The following ZPLD1 variants were observed in gnomAD, a reference collection of about 807,000 sequenced individuals.
ZPLD1 encodes the protein zona pellucida-like domain-containing protein 1.
ZPLD1 carries 34 observed loss-of-function variants against 47.2 expected under a neutral mutation model. The observed-to-expected ratio is 0.72, with a 90% confidence interval of 0.55 to 0.96. The LOEUF (loss-of-function observed/expected upper bound fraction) is 0.96. Ranked by LOEUF, ZPLD1 falls within the 40% of genes least tolerant of loss-of-function variation. The pLI is 0.00. For synonymous variants in ZPLD1, 176 were observed against 186.2 expected (o/e 0.95, Z 0.45); for missense variants, 512 against 505.8 (o/e 1.01, Z -0.12).
chr3:102,476,983 A>G, intron 10 of ZPLD1, 29 bp from the exon 11 acceptor site: 1 of 1,609,062 alleles, frequency 6.2e-7, no homozygotes, highest in Non-Finnish European at 8.5e-7. Context: ...AGATGATGTC[A>G]CTTCTCTTTT....
chr3:102,479,555 G>GT lies in ZPLD1; in HGVS notation c.*1938dup, dbSNP rs1484338777. On this transcript the variant is annotated 3_prime_UTR_variant, in exon 12 of 12. Coordinates refer to ENST00000466937, the MANE Select transcript of ZPLD1 (RefSeq NM_001329788.2). ...GGACACATGTCACTTGGGAAGCAAC[G>GT]TAAGTATCACATTATTTTTTGCCAC... 2.9e-4 allele frequency: 44 copies of GT among 152,212 alleles called. 1 individual carries two copies. Among genetic ancestry groups the GT allele is most frequent in the African/African-American group, 9.6e-4 (40 of 41,546 alleles). The allele number at this position is 152,212 out of a possible 1,614,324, so 9.4% of individuals were successfully genotyped here. A position where few individuals can be genotyped will look rare whatever the true frequency, so the allele number is the denominator to read the frequency against.
At chr3:102,412,650 A>G (rs1231912085) in intron 7 of ZPLD1, among the ~76,000 whole-genome samples, 1 of 151,788 alleles carries the variant, frequency 6.6e-6, no homozygotes, top group Non-Finnish European at 1.5e-5. Context: ...TAACTATAAC[A>G]GAAAGATAGA....
intron 11 of ZPLD1, 37 bp downstream of exon 11, chr3:102,477,078 T>A: frequency 6.2e-7 from 1 of 1,608,906 alleles, no homozygotes; most frequent in Non-Finnish European, 8.5e-7. Context: ...GTTTTTTACA[T>A]TTTTGGTGAT....
At chr3:102,418,627 C>G (rs946413159) in intron 8 of ZPLD1, among the ~76,000 whole-genome samples, 1 of 151,878 alleles carries the variant, frequency 6.6e-6, no homozygotes, top group African/African-American at 2.4e-5. Flanking sequence ...CTTTGCCAGC[C>G]GGCTACAGCT....
intron 3 of ZPLD1, among the ~76,000 whole-genome samples, chr3:102,447,011 C>T (rs1707265683): frequency 1.3e-5 from 2 of 152,104 alleles, no homozygotes; most frequent in South Asian, 4.1e-4. Context: ...CCAATTGCCT[C>T]TAGACTAGTA....
In ZPLD1 at chr3:102,478,482, A is replaced by AGGACATTATCATCAGCTCATAAGCATACT. The variant is rs138641254; in HGVS notation, c.*865_*866insGACATTATCATCAGCTCATAAGCATACTG. 8 of 151,700 alleles carry AGGACATTATCATCAGCTCATAAGCATACT rather than the reference A, an allele frequency of 5.3e-5. No individual in the cohort carries two copies. The highest frequency in any genetic ancestry group is 1.3e-4 in the Admixed American group (2 of 15,224). The allele number at this position is 151,700 out of a possible 1,614,324, so 9.4% of individuals were successfully genotyped here. A position where few individuals can be genotyped will look rare whatever the true frequency, so the allele number is the denominator to read the frequency against. On this transcript the variant is annotated 3_prime_UTR_variant, in exon 12 of 12. Transcript: ENST00000466937. The stretch of plus-strand genomic sequence containing the variant: ...GAAAACAAGCTGTAGTTGTGAAAAG[A>AGGACATTATCATCAGCTCATAAGCATACT]GTTCCTAGAAGGGTTTTTAACAATT...
Position 102,477,981 on chromosome 3 carries a change from C to G in ZPLD1, c.*363C>G, listed in dbSNP as rs1297027305. 3.1e-5 allele frequency: 5 copies of G among 160,806 alleles called. No homozygotes were observed. The Admixed American group carries it at 3.2e-4, about 10-fold the overall frequency. The allele number at this position is 160,806 out of a possible 1,614,324, so 10.0% of individuals were successfully genotyped here. ...AAAAAATGAAATGTGTTGCATTTCC[C>G]CCTTAAGCATTAATGGCATTTAGAT... On this transcript the variant is annotated 3_prime_UTR_variant, in exon 12 of 12. Coordinates refer to ENST00000466937, the MANE Select transcript of ZPLD1 (RefSeq NM_001329788.2).
At chr3:102,393,338 A>C (rs2107286015) in intron 7 of ZPLD1, among the ~76,000 whole-genome samples, 1 of 152,296 alleles carries the variant, frequency 6.6e-6, no homozygotes, top group East Asian at 1.9e-4. Context: ...TTTTGTCTAG[A>C]AAAGTCACTT....
At chr3:102,465,693 A>T (rs1161173156) in intron 8 of ZPLD1, among the ~76,000 whole-genome samples, 1 of 152,180 alleles carries the variant, frequency 6.6e-6, no homozygotes, top group Non-Finnish European at 1.5e-5. Context: ...GAATCTTTTC[A>T]GTTTTCTTAT....
At chr3:102,445,466 A>T (rs1334126676) in intron 3 of ZPLD1, among the ~76,000 whole-genome samples, 1 of 152,216 alleles carries the variant, frequency 6.6e-6, no homozygotes, top group South Asian at 2.1e-4. Context: ...CACCAGGTGA[A>T]ATCCACCTAT....
intron 7 of ZPLD1, among the ~76,000 whole-genome samples, chr3:102,417,033 A>T: frequency 6.6e-6 from 1 of 151,734 alleles, no homozygotes; most frequent in East Asian, 2.0e-4. Context: ...TAAGAGGCCG[A>T]ACTCTTAGAT....
chr3:102,396,434 G>A (rs545075510), intron 7 of ZPLD1, among the ~76,000 whole-genome samples: 123 of 152,110 alleles, frequency 8.1e-4, no homozygotes, highest in Non-Finnish European at 1.4e-3. Context: ...CACCTTTCAC[G>A]CAGACTAGTT....
At chr3:102,392,021 A>G (rs1246072330) in intron 6 of ZPLD1, 2 of 152,198 alleles carry the variant, frequency 1.3e-5, no homozygotes, top group Non-Finnish European at 2.9e-5. Flanking sequence ...CAACAAACCA[A>G]TCAACCAAAC....
intron 6 of ZPLD1, among the ~76,000 whole-genome samples, chr3:102,389,524 C>T (rs910216196): frequency 1.3e-5 from 2 of 152,062 alleles, no homozygotes; most frequent in Non-Finnish European, 2.9e-5. Context: ...ATGTAGAAGG[C>T]CCTGAATAAT....
chr3:102,420,054 A>C (rs1706858522), intron 8 of ZPLD1, among the ~76,000 whole-genome samples: 1 of 151,854 alleles, frequency 6.6e-6, no homozygotes, highest in Non-Finnish European at 1.5e-5. Context: ...AAAGCACTAG[A>C]CTGAGTATTA....
intron 8 of ZPLD1, among the ~76,000 whole-genome samples, chr3:102,421,179 T>C (rs956070429): frequency 7.9e-5 from 12 of 152,060 alleles, no homozygotes; most frequent in Middle Eastern, 6.8e-3. Flanking sequence ...TTTGCTCATA[T>C]GTGCTTATCT....
At chr3:102,455,957 C>A (rs1707406662) in intron 4 of ZPLD1, among the ~76,000 whole-genome samples, 1 of 152,076 alleles carries the variant, frequency 6.6e-6, no homozygotes, top group African/African-American at 2.4e-5. Flanking sequence ...CTATAATCTC[C>A]TTTCTTTTTT....
At position 102,470,170 on chromosome 3, in the gene ZPLD1, T is replaced by C. The variant is rs572898352; in HGVS notation, c.934-224T>C. Among the ~76,000 whole-genome samples the C allele has an allele frequency of 5.9e-5, 9 of 152,284 alleles. No homozygotes were observed. In the East Asian group the frequency reaches 1.5e-3, roughly 26 times the overall value. On this transcript the variant is annotated intron_variant, in intron 9 of 11. Transcript: ENST00000466937. ...AGAGCCATTGAGCTATGTAAATTAATGAGGCAGTGCACAATTACAGCGGGA... is the reference window on the plus strand; with the variant it reads ...AGAGCCATTGAGCTATGTAAATTAACGAGGCAGTGCACAATTACAGCGGGA...
intron 3 of ZPLD1, among the ~76,000 whole-genome samples, chr3:102,440,303 C>T (rs1299217634): frequency 6.6e-6 from 1 of 152,002 alleles, no homozygotes; most frequent in Admixed American, 6.6e-5. Context: ...GAGAAATATC[C>T]TGAAGGCAGT....
Sources: gnomAD v4.1 joint callset for allele counts (sites outside exome capture counted in the v4.1 genomes callset) on GRCh38, gnomAD v4.1.1 for gene constraint, MANE v1.5 for transcripts, NCBI Gene and HGNC (gene_info 2026-07-23, HGNC 2026-07-21) for gene names.